PRR16: variants seen among roughly 807,000 people sequenced by gnomAD.
PRR16 encodes the protein proline rich 16, also known as protein Largen.
PRR16 carries 6 observed loss-of-function variants against 18.2 expected under a neutral mutation model. The observed-to-expected ratio is 0.33, with a 90% CI of 0.18 to 0.65. The LOEUF (loss-of-function observed/expected upper bound fraction) is 0.65, where lower values mean the gene tolerates loss of function less well. PRR16 is among the 30% of genes least tolerant of loss of function. The pLI, the probability that PRR16 is intolerant of heterozygous loss-of-function variation, is 0.74. For missense variants in PRR16, 412 were observed against 376.6 expected (o/e 1.09, Z -0.78); for synonymous variants, 151 against 147.8 (o/e 1.02, Z -0.16).
At chr5:120,712,368 T>G in the PRR16 span, among the ~76,000 whole-genome samples, 1 of 152,134 alleles carries the variant, frequency 6.6e-6, no homozygotes, top group Admixed American at 6.6e-5. Context: ...GTTTGTACCC[T>G]TTGACCTACA....
intron 1 of PRR16, chr5:120,618,515 G>A: frequency 3.1e-6 from 3 of 961,350 alleles, no homozygotes; most frequent in East Asian, 2.3e-4. Context: ...AGAGGGAATG[G>A]TATTTGGAAT....
intron 1 of PRR16, among the ~76,000 whole-genome samples, chr5:120,548,041 A>C (rs777889450): frequency 6.6e-6 from 1 of 152,108 alleles, no homozygotes; most frequent in Non-Finnish European, 1.5e-5. Flanking sequence ...GTTTGCTGGC[A>C]ATGACAGTGC....
chr5:120,583,128 G>A (rs994409526), intron 1 of PRR16, among the ~76,000 whole-genome samples: 1 of 152,118 alleles, frequency 6.6e-6, no homozygotes, highest in Non-Finnish European at 1.5e-5. Flanking sequence ...CAAATTAGAG[G>A]GTCAGCCAAG....
intron 1 of PRR16, among the ~76,000 whole-genome samples, chr5:120,504,246 T>C (rs1227194431): frequency 6.6e-6 from 1 of 152,182 alleles, no homozygotes; most frequent in Non-Finnish European, 1.5e-5. Flanking sequence ...TTGGTGCTGA[T>C]TCTGCTAGAA....
intron 1 of PRR16, among the ~76,000 whole-genome samples, chr5:120,655,069 A>G (rs1428048469): frequency 2.6e-5 from 4 of 151,972 alleles, no homozygotes; most frequent in Admixed American, 1.3e-4. Context: ...TATTGATCAT[A>G]TATTACCTGC....
the PRR16 span, among the ~76,000 whole-genome samples, chr5:120,740,543 G>C: frequency 1.3e-5 from 2 of 151,914 alleles, no homozygotes; most frequent in African/African-American, 4.8e-5. Flanking sequence ...TACATGTGTG[G>C]GTCTATTTCT....
At chr5:120,633,687 T>C (rs1431600412) in intron 1 of PRR16, among the ~76,000 whole-genome samples, 2 of 151,908 alleles carry the variant, frequency 1.3e-5, no homozygotes, top group Non-Finnish European at 1.5e-5. Context: ...ATTCAAAATA[T>C]ATATGCACCT....
At chr5:120,666,519 G>A (rs1181260946) in intron 1 of PRR16, among the ~76,000 whole-genome samples, 49 of 151,668 alleles carry the variant, frequency 3.2e-4, no homozygotes, top group African/African-American at 1.1e-3. Context: ...GTGAGAGAGG[G>A]CATCCCTGTC....
intron 1 of PRR16, among the ~76,000 whole-genome samples, chr5:120,636,618 A>T (rs374154202): frequency 2.0e-5 from 3 of 152,204 alleles, no homozygotes; most frequent in Non-Finnish European, 4.4e-5. Flanking sequence ...CTCTCACCTT[A>T]TACAAAAATC....
intron 1 of PRR16, among the ~76,000 whole-genome samples, chr5:120,591,143 G>A (rs991444831): frequency 2.6e-5 from 4 of 151,942 alleles, no homozygotes; most frequent in Non-Finnish European, 5.9e-5. Context: ...GCCGGGTGTG[G>A]TGGTGGGCGC....
intron 1 of PRR16, among the ~76,000 whole-genome samples, chr5:120,584,479 A>G (rs1013772312): frequency 3.3e-5 from 5 of 152,088 alleles, no homozygotes; most frequent in African/African-American, 1.2e-4. Flanking sequence ...AATTGCTAAA[A>G]TTTTTTCTTG....
chr5:120,497,783 A>C (rs1045959445), intron 1 of PRR16, among the ~76,000 whole-genome samples: 8 of 151,596 alleles, frequency 5.3e-5, no homozygotes, highest in Non-Finnish European at 7.4e-5. Flanking sequence ...ATAACATATC[A>C]TATTATTTAA....
In PRR16 at chr5:120,503,516, A is replaced by G. The variant is rs531252016; in HGVS notation, c.159+38871A>G. ...TTTTTCTGACCTATTGTGTGGTAAG[A>G]TAAAAGAGAGAGCAATGAGATTCAG... On this transcript the variant is annotated intron_variant, in intron 1 of 1. Transcript: ENST00000407149. Among the ~76,000 whole-genome samples, 83 of 152,312 alleles carry G rather than the reference A, an allele frequency of 5.4e-4. 1 individual carries two copies. Among genetic ancestry groups the G allele is most frequent in the South Asian group, 1.7e-3 (8 of 4,830 alleles).
intron 1 of PRR16, among the ~76,000 whole-genome samples, chr5:120,568,611 T>C (rs1752807286): frequency 6.6e-6 from 1 of 152,210 alleles, no homozygotes; most frequent in Non-Finnish European, 1.5e-5. Flanking sequence ...TATTTGTTGA[T>C]TTGTTGTCTA....
At chr5:120,655,725 C>CTTTT (rs5870911) in intron 1 of PRR16, among the ~76,000 whole-genome samples, 4 of 102,788 alleles carry the variant, frequency 3.9e-5, no homozygotes, top group Non-Finnish European at 4.0e-5. Flanking sequence ...TAGCAATTGA[C>CTTTT]TTTTTTTTTT....
chr5:120,662,403 T>A (rs1756203464), intron 1 of PRR16, among the ~76,000 whole-genome samples: 1 of 152,100 alleles, frequency 6.6e-6, no homozygotes, highest in South Asian at 2.1e-4. Flanking sequence ...TGCATATTAT[T>A]TATTAGTTTG....
intron 1 of PRR16, among the ~76,000 whole-genome samples, chr5:120,581,210 G>A (rs937079175): frequency 2.0e-5 from 3 of 152,110 alleles, no homozygotes; most frequent in Non-Finnish European, 4.4e-5. Flanking sequence ...CTTGTTATTG[G>A]TCTATTCAGG....
At chr5:120,574,195 A>G (rs910312617) in intron 1 of PRR16, among the ~76,000 whole-genome samples, 1 of 152,166 alleles carries the variant, frequency 6.6e-6, no homozygotes, top group Admixed American at 6.6e-5. Context: ...GAAATTTGTA[A>G]TATCTATACT....
chr5:120,584,771 T>C (rs181301542), intron 1 of PRR16, among the ~76,000 whole-genome samples: 131 of 152,330 alleles, frequency 8.6e-4, no homozygotes, highest in Non-Finnish European at 1.4e-3. Context: ...ACAATACTTA[T>C]AAAATAGTAG....
Sources: allele counts gnomAD v4.1 joint callset (sites outside exome capture counted in the v4.1 genomes callset), GRCh38; gene constraint gnomAD v4.1.1; transcripts MANE v1.5; gene names NCBI Gene and HGNC (gene_info 2026-07-23, HGNC 2026-07-21).